Variants in STAC observed in about 807,000 individuals in gnomAD.
STAC encodes the protein SH3 and cysteine rich domain.
In STAC, 43 loss-of-function variants were observed where a neutral mutation model predicts 48.8. That is an observed-to-expected ratio of 0.88 (90% CI 0.69 to 1.14). STAC has a LOEUF of 1.14. Among genes scored for constraint, STAC ranks in the 50% most tolerant of loss-of-function variants. The pLI, the probability that STAC is intolerant of heterozygous loss-of-function variation, is 0.00. For missense variants in STAC, 497 were observed against 504.0 expected, an observed-to-expected ratio of 0.99 and a Z score of 0.13; for synonymous variants, 193 against 179.5, an observed-to-expected ratio of 1.07 and a Z score of -0.60.
In STAC at chr3:36,505,788, G is replaced by A. The variant is rs777820775; in HGVS notation, c.874G>A (p.Ala292Thr). ...KDPLQMNTYVALYKFVPQENE... is the reference protein window; with the variant it reads ...KDPLQMNTYVTLYKFVPQENE... Reference sequence around the variant, plus strand: ...CCCATTACAGATGAACACCTATGTTGCCTTGTACAAATTTGTACCACAGGA... The same window carrying A: ...CCCATTACAGATGAACACCTATGTTACCTTGTACAAATTTGTACCACAGGA... The change falls in exon 8 of 11, where the codon GCC (alanine) becomes ACC (threonine). Residue 292 changes from alanine to threonine, a missense_variant. Transcript: ENST00000273183. 6.2e-7 allele frequency: 1 copy of A among 1,608,014 alleles called. No homozygotes were observed. The highest frequency in any genetic ancestry group is 8.5e-7 in the Non-Finnish European group (1 of 1,178,048).
chr3:36,494,639 C>T (rs994391298), intron 6 of STAC, among the ~76,000 whole-genome samples: 8 of 152,190 alleles, frequency 5.3e-5, no homozygotes, highest in Non-Finnish European at 1.2e-4. Context: ...CCAGTGTTCA[C>T]CATGCCCCCC....
chr3:36,514,738 A>G (rs1361599520), intron 8 of STAC, among the ~76,000 whole-genome samples: 2 of 152,174 alleles, frequency 1.3e-5, no homozygotes, highest in Admixed American at 6.5e-5. Flanking sequence ...CTATGATAAT[A>G]TAATGGAAAC....
chr3:36,401,753 G>A (rs1394572336), intron 1 of STAC, among the ~76,000 whole-genome samples: 1 of 152,192 alleles, frequency 6.6e-6, no homozygotes, highest in African/African-American at 2.4e-5. Context: ...AGAAATTCAA[G>A]ACAGCAATAG....
In STAC at chr3:36,431,014, A is replaced by AC. The variant is rs575056445; in HGVS notation, c.112-12347dup. 2.4e-4 allele frequency among the ~76,000 whole-genome samples: 36 copies of AC among 152,344 alleles called. 1 individual carries two copies. In the East Asian group the frequency reaches 6.9e-3, roughly 29 times the overall value. On this transcript the variant is annotated intron_variant, in intron 1 of 10. Coordinates refer to ENST00000273183, the MANE Select transcript of STAC (RefSeq NM_003149.3). ...GGATACAATTCACCCGGTAGCAAAT[A>AC]CCCACTATTTGCACGGTATTATGAG...
At chr3:36,389,934 T>C (rs949414689) in intron 1 of STAC, among the ~76,000 whole-genome samples, 1 of 151,640 alleles carries the variant, frequency 6.6e-6, no homozygotes, top group African/African-American at 2.4e-5. Flanking sequence ...TGTGAAATAA[T>C]AATTTTGCCT....
chr3:36,428,497 C>T (rs1248398870), intron 1 of STAC, among the ~76,000 whole-genome samples: 1 of 152,180 alleles, frequency 6.6e-6, no homozygotes, highest in East Asian at 1.9e-4. Flanking sequence ...TTTCAATATG[C>T]TTACAAGTCT....
At chr3:36,484,226 T>C (rs185231008) in intron 3 of STAC, among the ~76,000 whole-genome samples, 2 of 152,124 alleles carry the variant, frequency 1.3e-5, no homozygotes, top group Non-Finnish European at 2.9e-5. Flanking sequence ...CTTCACCCCC[T>C]CCCATCACTG....
At position 36,470,418 on chromosome 3, in the gene STAC, C is replaced by A. The variant is rs571277796; in HGVS notation, c.389-12574C>A. On this transcript the variant is annotated intron_variant, in intron 2 of 10. Transcript: ENST00000273183. ...TCTGGAAAGAGTCCTGTGACGTGATCCATCTTCGGTCTTTCAGCTATGGAT... is the reference window on the plus strand; with the variant it reads ...TCTGGAAAGAGTCCTGTGACGTGATACATCTTCGGTCTTTCAGCTATGGAT... 5.9e-5 allele frequency among the ~76,000 whole-genome samples: 9 copies of A among 152,360 alleles called. No individual in the cohort carries two copies. The East Asian group carries it at 1.7e-3, about 29-fold the overall frequency.
chr3:36,412,303 C>G (rs1700213316), intron 1 of STAC, among the ~76,000 whole-genome samples: 1 of 152,184 alleles, frequency 6.6e-6, no homozygotes, highest in African/African-American at 2.4e-5. Context: ...ATCATGTTCT[C>G]TCTTTTATTA....
At chr3:36,453,889 G>A (rs988356633) in intron 2 of STAC, among the ~76,000 whole-genome samples, 10 of 152,212 alleles carry the variant, frequency 6.6e-5, no homozygotes, top group African/African-American at 2.4e-4. Context: ...GTCTAGCTCA[G>A]GGTTTGTGAA....
chr3:36,482,379 T>C (rs1370672350), intron 2 of STAC, among the ~76,000 whole-genome samples: 2 of 152,196 alleles, frequency 1.3e-5, no homozygotes, highest in Non-Finnish European at 2.9e-5. Context: ...GCCTTCTTTC[T>C]TCTCACTCCA....
At chr3:36,398,317 A>AAGAG (rs1236612391) in intron 1 of STAC, among the ~76,000 whole-genome samples, 1 of 86,876 alleles carries the variant, frequency 1.2e-5, no homozygotes, top group African/African-American at 5.1e-5. Flanking sequence ...GAAAGAAAGA[A>AAGAG]AGCAAGAAAG....
At chr3:36,421,082 T>G (rs1032337454) in intron 1 of STAC, among the ~76,000 whole-genome samples, 1 of 152,226 alleles carries the variant, frequency 6.6e-6, no homozygotes, top group Non-Finnish European at 1.5e-5. Flanking sequence ...GTTTACCCAT[T>G]TTCCTGTCTA....
intron 1 of STAC, among the ~76,000 whole-genome samples, chr3:36,439,481 G>A (rs556673705): frequency 2.0e-5 from 3 of 152,162 alleles, no homozygotes; most frequent in Non-Finnish European, 4.4e-5. Flanking sequence ...GAACTCAGTA[G>A]GGAGCAAACA....
At chr3:36,436,420 TG>T (rs201021290) in intron 1 of STAC, among the ~76,000 whole-genome samples, 3,544 of 152,284 alleles carry the variant, frequency 0.023, 61 homozygotes, top group East Asian at 0.026. Context: ...GCCCATGCCA[TG>T]ACCTACAAGG....
At chr3:36,439,732 T>C (rs1407264255) in intron 1 of STAC, among the ~76,000 whole-genome samples, 3 of 152,330 alleles carry the variant, frequency 2.0e-5, no homozygotes, top group Non-Finnish European at 4.4e-5. Context: ...GCTCCTTTGC[T>C]GCATCCAGGT....
Position 36,502,356 on chromosome 3 carries a change from A to G in STAC, c.767-2037A>G, listed in dbSNP as rs540567929. Among the ~76,000 whole-genome samples the G allele has an allele frequency of 1.4e-4, 22 of 152,302 alleles. No individual in the cohort carries two copies. The East Asian group carries it at 2.1e-3, about 15-fold the overall frequency. On this transcript the variant is annotated intron_variant, in intron 6 of 10. Coordinates refer to ENST00000273183, the MANE Select transcript of STAC (RefSeq NM_003149.3). ...TTCTTTTCTCCGCTTTCATTAACTC[A>G]AAGTCTTATAAATGGTTGGAATAGG... is the stretch of plus-strand genomic sequence containing the variant.
chr3:36,523,517 G>C (rs188447260), intron 8 of STAC, among the ~76,000 whole-genome samples: 1 of 152,356 alleles, frequency 6.6e-6, no homozygotes, highest in Admixed American at 6.5e-5. Context: ...GGCCCATCAA[G>C]TTGGTCCCAA....
chr3:36,520,651 C>A (rs1698777774), intron 8 of STAC, among the ~76,000 whole-genome samples: 1 of 152,180 alleles, frequency 6.6e-6, no homozygotes, highest in East Asian at 1.9e-4. Flanking sequence ...TAAAAATAAT[C>A]TTCACAGTCA....
Sources: allele counts gnomAD v4.1 joint callset (sites outside exome capture counted in the v4.1 genomes callset), GRCh38; gene constraint gnomAD v4.1.1; transcripts MANE v1.5; gene names NCBI Gene and HGNC (gene_info 2026-07-23, HGNC 2026-07-21).